Variants in GALNT9 observed in about 807,000 individuals in gnomAD.
GALNT9 encodes polypeptide N-acetylgalactosaminyltransferase 9.
In GALNT9, 47 loss-of-function variants were observed where a neutral mutation model predicts 63.1. That is an observed-to-expected ratio of 0.75 (90% confidence interval 0.59 to 0.95). GALNT9 has a LOEUF of 0.95. Ranked by LOEUF, GALNT9 falls within the 40% of genes least tolerant of loss-of-function variation. The probability of loss-of-function intolerance (pLI) is 0.00; values close to 1 mark genes in which losing one functional copy is unlikely to be tolerated. For synonymous variants in GALNT9, 396 were observed against 365.7 expected (o/e 1.08, Z -0.94); for missense variants, 829 against 874.8 (o/e 0.95, Z 0.66).
intron 6 of GALNT9, among the ~76,000 whole-genome samples, chr12:132,237,007 G>T (rs1269852832): frequency 6.6e-6 from 1 of 152,132 alleles, no homozygotes; most frequent in Admixed American, 6.5e-5. Context: ...GGTGCTCCAT[G>T]GCCCATGGGA....
At chr12:132,224,758 CCCACACT>C (rs1403256754) in intron 6 of GALNT9, among the ~76,000 whole-genome samples, 5 of 147,438 alleles carry the variant, frequency 3.4e-5, no homozygotes, top group Non-Finnish European at 6.0e-5. Context: ...CCTCCCACAC[CCCACACT>C]GTACACACCC....
chr12:132,206,863 C>T (rs534786667), intron 6 of GALNT9, among the ~76,000 whole-genome samples: 5 of 152,116 alleles, frequency 3.3e-5, no homozygotes, highest in Non-Finnish European at 7.4e-5. Flanking sequence ...ATTAAAAAAA[C>T]CAGCGAGCCT....
At chr12:132,228,465 G>A (rs1281630264) in intron 6 of GALNT9, among the ~76,000 whole-genome samples, 1 of 147,552 alleles carries the variant, frequency 6.8e-6, no homozygotes, top group Admixed American at 6.8e-5. Context: ...CTTTGCCTCT[G>A]GCAAGACAGG....
chr12:132,256,666 C>T (rs1349912353), intron 5 of GALNT9, among the ~76,000 whole-genome samples: 3 of 35,594 alleles, frequency 8.4e-5, no homozygotes, highest in Admixed American at 3.9e-4. Flanking sequence ...GGAGGGGGGA[C>T]GCTGGAGGGG....
At chr12:132,307,669 T>TAA (rs35267743) in intron 1 of GALNT9, among the ~76,000 whole-genome samples, 58,533 of 140,058 alleles carry the variant, frequency 0.42, 12,355 homozygotes, top group Middle Eastern at 0.51. Flanking sequence ...TCATCTCTAC[T>TAA]AAAAAAAAAA....
At chr12:132,211,490 C>T (rs1296057060) in intron 6 of GALNT9, among the ~76,000 whole-genome samples, 4 of 152,168 alleles carry the variant, frequency 2.6e-5, no homozygotes, top group African/African-American at 7.2e-5. Context: ...GAGGCAACCT[C>T]GTGTCTATTC....
intron 6 of GALNT9, among the ~76,000 whole-genome samples, chr12:132,217,464 A>C (rs1208718110): frequency 6.7e-6 from 1 of 148,468 alleles, no homozygotes; most frequent in Non-Finnish European, 1.5e-5. Context: ...CCCTGCATCC[A>C]GCCAGCCATC....
At chr12:132,248,785 C>G (rs28417652) in intron 5 of GALNT9, among the ~76,000 whole-genome samples, 4,085 of 152,338 alleles carry the variant, frequency 0.027, 179 homozygotes, top group African/African-American at 0.093. Flanking sequence ...TAGCCTGGCC[C>G]CATCTCTGTG....
At chr12:132,254,654 G>C (rs1390329883) in intron 5 of GALNT9, among the ~76,000 whole-genome samples, 1 of 152,252 alleles carries the variant, frequency 6.6e-6, no homozygotes, top group Non-Finnish European at 1.5e-5. Context: ...TTACACGAAG[G>C]TCAGGCAGGT....
At chr12:132,243,471 G>T (rs2136905587) in intron 6 of GALNT9, among the ~76,000 whole-genome samples, 20 of 113,218 alleles carry the variant, frequency 1.8e-4, no homozygotes, top group Non-Finnish European at 3.5e-4. Flanking sequence ...TGGCCGACCT[G>T]AAGGTCAGGG....
intron 1 of GALNT9, among the ~76,000 whole-genome samples, chr12:132,322,480 G>C (rs1038884417): frequency 6.6e-6 from 1 of 152,222 alleles, no homozygotes; most frequent in African/African-American, 2.4e-5. Context: ...ATGCCAGTTC[G>C]AGCACAGCAA....
intron 1 of GALNT9, among the ~76,000 whole-genome samples, chr12:132,303,635 G>A (rs1185628329): frequency 3.0e-5 from 1 of 33,356 alleles, no homozygotes; most frequent in Non-Finnish European, 5.0e-5. Flanking sequence ...GCACAGAATC[G>A]CCCAGACACA....
At chr12:132,198,074 T>C in intron 9 of GALNT9, 115 bp from the exon 10 acceptor site, 2 of 843,190 alleles carry the variant, frequency 2.4e-6, no homozygotes. Flanking sequence ...GCGGCTGCCT[T>C]GGAGCCTCCC....
chr12:132,273,335 C>G (rs1555240919), intron 2 of GALNT9: 1 of 152,368 alleles, frequency 6.6e-6, no homozygotes, highest in East Asian at 1.9e-4. Context: ...GTTGGCCAGG[C>G]TGGTCTCGTG....
chr12:132,229,764 G>A (rs1877825166), intron 6 of GALNT9, among the ~76,000 whole-genome samples: 2 of 152,228 alleles, frequency 1.3e-5, no homozygotes, highest in Admixed American at 6.5e-5. Context: ...CACCAACTCA[G>A]TGCCAGTTAC....
At chr12:132,299,963 C>T (rs1382446493) in intron 1 of GALNT9, among the ~76,000 whole-genome samples, 10 of 144,758 alleles carry the variant, frequency 6.9e-5, no homozygotes, top group African/African-American at 2.6e-4. Context: ...ATAACTAACC[C>T]ACTCCCACCA....
intron 2 of GALNT9, among the ~76,000 whole-genome samples, chr12:132,267,807 A>ACACACACGCACT (rs1329643275): frequency 6.6e-6 from 1 of 151,066 alleles, no homozygotes; most frequent in East Asian, 1.9e-4. Flanking sequence ...ACACGCACTC[A>ACACACACGCACT]CACACGCACT....
In GALNT9 at chr12:132,197,824, G is replaced by A. The variant is rs754543354; in HGVS notation, c.1633C>T (p.Arg545Trp). 2.1e-5 allele frequency: 33 copies of A among 1,547,002 alleles called. No homozygotes were observed. Among genetic ancestry groups the A allele is most frequent in the South Asian group, 2.1e-4 (18 of 87,518 alleles). ...PTLKKCEDVA[R>W]PTQRLWDFTQ... Reference sequence around the variant, plus strand: ...AAGTCCCACAGCCGCTGTGTTGGCCGCGCCACATCCTCACACTTCTTCAGG... The same window carrying A: ...AAGTCCCACAGCCGCTGTGTTGGCCACGCCACATCCTCACACTTCTTCAGG... The change falls in exon 10 of 11, where the codon CGG becomes TGG. Residue 545 changes from arginine (R) to tryptophan (W), a missense_variant. Physicochemically the swap from Arg to Trp is moderately radical, Grantham distance 101. Coordinates refer to ENST00000328957, the MANE Select transcript of GALNT9 (RefSeq NM_001122636.2).
intron 1 of GALNT9, among the ~76,000 whole-genome samples, chr12:132,301,918 C>G (rs182946716): frequency 6.6e-6 from 1 of 152,224 alleles, no homozygotes; most frequent in Non-Finnish European, 1.5e-5. Context: ...CAATTGCAGT[C>G]GTAGCAATGA....
Sources: gnomAD v4.1 joint callset for allele counts (sites outside exome capture counted in the v4.1 genomes callset) on GRCh38, gnomAD v4.1.1 for gene constraint, MANE v1.5 for transcripts, NCBI Gene and HGNC (gene_info 2026-07-23, HGNC 2026-07-21) for gene names.